Variants in GNAO1 observed in about 807,000 individuals in gnomAD.
The protein encoded by GNAO1 is G protein subunit alpha o1, also known as guanine nucleotide-binding protein G(o) subunit alpha.
For missense variants in GNAO1, 166 were observed against 478.7 expected (o/e 0.35, Z 6.10); for synonymous variants, 164 against 180.7 (o/e 0.91, Z 0.74).
intron 6 of GNAO1, among the ~76,000 whole-genome samples, chr16:56,348,753 A>G (rs546242912): frequency 7.3e-6 from 1 of 136,972 alleles, no homozygotes; most frequent in Non-Finnish European, 1.6e-5. Flanking sequence ...CAGGGGTCTC[A>G]GTGCCGGCGC....
chr16:56,295,366 GATA>G (rs1189292289), intron 3 of GNAO1, among the ~76,000 whole-genome samples: 2 of 152,048 alleles, frequency 1.3e-5, no homozygotes, highest in African/African-American at 4.8e-5. Flanking sequence ...GTAATATGAG[GATA>G]ATAAGTCACC....
intron 5 of GNAO1, chr16:56,336,415 T>C (rs1382467253): frequency 7.7e-6 from 2 of 258,470 alleles, no homozygotes; most frequent in African/African-American, 4.5e-5. Flanking sequence ...CGAGGAGGAC[T>C]CTCAGAGGCA....
intron 3 of GNAO1, among the ~76,000 whole-genome samples, chr16:56,300,028 TGTGTGTGTGC>T (rs1402403758): frequency 2.3e-5 from 3 of 133,076 alleles, no homozygotes; most frequent in South Asian, 2.3e-4. Flanking sequence ...TGTGTGTGTG[TGTGTGTGTGC>T]GCGCGCGCGC....
chr16:56,295,479 C>A (rs2037277744), intron 3 of GNAO1, among the ~76,000 whole-genome samples: 1 of 152,170 alleles, frequency 6.6e-6, no homozygotes, highest in African/African-American at 2.4e-5. Context: ...TGTTACCACT[C>A]CTGTTGCTAA....
rs149143994 is a variant in GNAO1, at chr16:56,246,859, GT to G, written c.162-29069del. Among the ~76,000 whole-genome samples the G allele has an allele frequency of 4.5e-3, 679 of 152,306 alleles. 1 individual carries two copies. The highest frequency in any genetic ancestry group is 0.015 in the African/African-American group (639 of 41,566). ...CAAAAAGGTTTTTTAAAGAGCGAAT[GT>G]TTAATTTGTGTTTGTTGACTAAATG... On this transcript the variant is annotated intron_variant, in intron 2 of 8. Transcript: ENST00000262493.
At chr16:56,257,823 G>A (rs560652338) in intron 2 of GNAO1, among the ~76,000 whole-genome samples, 1 of 152,220 alleles carries the variant, frequency 6.6e-6, no homozygotes, top group African/African-American at 2.4e-5. Flanking sequence ...AGGGCCAGCA[G>A]GCTGGTAGAC....
intron 2 of GNAO1, among the ~76,000 whole-genome samples, chr16:56,274,377 A>G (rs2037043461): frequency 1.3e-5 from 2 of 152,210 alleles, no homozygotes; most frequent in African/African-American, 4.8e-5. Context: ...CTCCCTCAAG[A>G]TACTTTTACA....
chr16:56,259,951 G>T (rs961669610), intron 2 of GNAO1, among the ~76,000 whole-genome samples: 1 of 152,178 alleles, frequency 6.6e-6, no homozygotes, highest in African/African-American at 2.4e-5. Context: ...TAGTCTGAGG[G>T]CTGTCCATAA....
At chr16:56,233,321 T>A (rs535900639) in intron 2 of GNAO1, among the ~76,000 whole-genome samples, 1 of 152,322 alleles carries the variant, frequency 6.6e-6, no homozygotes, top group East Asian at 1.9e-4. Flanking sequence ...GATTAGCACA[T>A]AGTAGGTGCT....
chr16:56,210,032 T>A (rs572904447), intron 2 of GNAO1, among the ~76,000 whole-genome samples: 1 of 152,362 alleles, frequency 6.6e-6, no homozygotes, highest in South Asian at 2.1e-4. Context: ...TTAAAAATCC[T>A]CTGTGCTCCA....
At chr16:56,256,712 CTCTCTCTGTG>C (rs1391312821) in intron 2 of GNAO1, among the ~76,000 whole-genome samples, 5 of 116,026 alleles carry the variant, frequency 4.3e-5, no homozygotes, top group African/African-American at 1.4e-4. Context: ...CTCTCTCTCT[CTCTCTCTGTG>C]TGTGTGTGTG....
chr16:56,289,027 C>CA (rs111415218), intron 3 of GNAO1, among the ~76,000 whole-genome samples: 4,079 of 150,112 alleles, frequency 0.027, 82 homozygotes, highest in South Asian at 0.04. Flanking sequence ...CCTTTGTATC[C>CA]AAAAAAGGGG....
chr16:56,256,621 G>T (rs1396211792), intron 2 of GNAO1, among the ~76,000 whole-genome samples: 1 of 151,692 alleles, frequency 6.6e-6, no homozygotes, highest in African/African-American at 2.4e-5. Context: ...ATGTTCTCAG[G>T]ATCTGTTGTC....
chr16:56,202,657 T>C (rs565453200), intron 2 of GNAO1, among the ~76,000 whole-genome samples: 10 of 152,326 alleles, frequency 6.6e-5, no homozygotes, highest in Non-Finnish European at 1.2e-4. Flanking sequence ...ATGGGAAGTC[T>C]GTAGAGAAAT....
intron 2 of GNAO1, among the ~76,000 whole-genome samples, chr16:56,246,110 T>A (rs960097195): frequency 1.3e-5 from 2 of 152,184 alleles, no homozygotes. Flanking sequence ...GCCTACCTGC[T>A]GCCTGAGCTG....
At chr16:56,222,595 C>G (rs2036500713) in intron 2 of GNAO1, among the ~76,000 whole-genome samples, 1 of 152,204 alleles carries the variant, frequency 6.6e-6, no homozygotes, top group Non-Finnish European at 1.5e-5. Context: ...TGTAACCCCT[C>G]AAGCATGCTC....
intron 6 of GNAO1, chr16:56,347,975 G>A (rs191732220): frequency 1.6e-4 from 152 of 976,970 alleles, no homozygotes; most frequent in South Asian, 7.1e-4. Context: ...CCATCTAGGC[G>A]AGGTGGGCTC....
At chr16:56,244,446 G>A (rs1213879472) in intron 2 of GNAO1, among the ~76,000 whole-genome samples, 3 of 151,410 alleles carry the variant, frequency 2.0e-5, no homozygotes, top group East Asian at 3.9e-4. Flanking sequence ...CTGAAATTAC[G>A]TCCCACCAGG....
rs1596789586 is a variant in GNAO1 at position 56,194,597 on chromosome 16, G to A, written c.161+1981G>A. ...TCGGAGGGAGTCGGCGGTGTTCGGA[G>A]CCGAGTCGGTGCTCCGGCGGAGAGA... On this transcript the variant is annotated intron_variant, in intron 2 of 8. Coordinates refer to ENST00000262493, the MANE Select transcript of GNAO1 (RefSeq NM_020988.3). 9 of 213,778 alleles carry A rather than the reference G, an allele frequency of 4.2e-5. No homozygotes were observed. The South Asian group carries it at 6.7e-4, about 16-fold the overall frequency. The allele number at this position is 213,778 out of a possible 1,614,324, so 13.2% of individuals were successfully genotyped here. A position where few individuals can be genotyped will look rare whatever the true frequency, so the allele number is the denominator to read the frequency against.
Sources: allele counts gnomAD v4.1 joint callset (sites outside exome capture counted in the v4.1 genomes callset), GRCh38; gene constraint gnomAD v4.1.1; transcripts MANE v1.5; gene names NCBI Gene and HGNC (gene_info 2026-07-23, HGNC 2026-07-21).